The following HERC5 variants were observed in gnomAD, a reference collection of about 807,000 sequenced individuals.
HERC5 encodes HECT and RLD domain containing E3 ubiquitin protein ligase 5.
Under a neutral mutation model 119.6 loss-of-function variants are expected in HERC5, and 99 were observed. The ratio of observed to expected loss-of-function variants is 0.83; its 90% CI spans 0.70 to 0.98. The LOEUF (loss-of-function observed/expected upper bound fraction) is 0.98. HERC5 is among the 50% of genes least tolerant of loss of function. The probability of loss-of-function intolerance (pLI) is 0.00; values close to 1 mark genes in which losing one functional copy is unlikely to be tolerated. For missense variants in HERC5, 1,267 were observed against 1,241.3 expected, an observed-to-expected ratio of 1.02 and a Z score of -0.31; for synonymous variants, 478 against 445.9, an observed-to-expected ratio of 1.07 and a Z score of -0.91.
chr4:88,459,427 G>A lies in HERC5; in HGVS notation c.346G>A (p.Gly116Arg). The A allele has an allele frequency of 6.3e-7, 1 of 1,593,382 alleles. No homozygotes were observed. The change falls in exon 2 of 23, where the codon GGA becomes AGA. Residue 116 changes from glycine to arginine, a missense_variant. Coordinates refer to ENST00000264350, the MANE Select transcript of HERC5 (RefSeq NM_016323.4). The stretch of plus-strand genomic sequence containing the variant: ...GCACATGCTGATTCTCTCATCAGAT[G>A]GAAAACCATTTGAGTATGACAACTA... Reference protein sequence around the residue: ...AEHMLILSSDGKPFEYDNYSM... With the variant: ...AEHMLILSSDRKPFEYDNYSM...
chr4:88,475,172 A>G (rs974243376), intron 11 of HERC5, among the ~76,000 whole-genome samples: 5 of 123,232 alleles, frequency 4.1e-5, no homozygotes, highest in South Asian at 5.0e-4. Context: ...GTTCTGATGC[A>G]TTTTTACTCT....
At chr4:88,495,286 C>A (rs749695511) in intron 18 of HERC5, among the ~76,000 whole-genome samples, 4 of 152,054 alleles carry the variant, frequency 2.6e-5, no homozygotes, top group Admixed American at 2.6e-4. Context: ...GATGGCTTAT[C>A]CCTGTAATCC....
chr4:88,469,280 T>A lies in HERC5; in HGVS notation c.1238+20T>A. ...AAAAAGGTACACCCCACAGTCTGAC[T>A]CTCTGCTTATATATCACTCTCAAGT... On this transcript the variant is annotated intron_variant, in intron 9 of 22. Transcript: ENST00000264350. 3.4e-6 allele frequency: 5 copies of A among 1,485,576 alleles called. No individual in the cohort carries two copies. Among genetic ancestry groups the A allele is most frequent in the Non-Finnish European group, 4.7e-6 (5 of 1,063,224 alleles). The allele number at this position is 1,485,576 out of a possible 1,614,324, so 92.0% of individuals were successfully genotyped here.
At chr4:88,464,270 A>T (rs1380937994) in intron 6 of HERC5, among the ~76,000 whole-genome samples, 1 of 150,462 alleles carries the variant, frequency 6.6e-6, no homozygotes, top group Non-Finnish European at 1.5e-5. Flanking sequence ...CTTTTGTCTT[A>T]AAAAAACAAG....
At position 88,486,158 on chromosome 4, in the gene HERC5, T is replaced by C; in HGVS notation, c.1781T>C (p.Val594Ala). Residue 594 changes from valine to alanine, a missense_variant, in exon 14 of 23, where the codon GTA (valine) becomes GCA (alanine). Around this residue, in one of 3 missense-constraint regions of HERC5, gnomAD observed 777 missense variants for 758.0 expected, o/e 1.03. Transcript: ENST00000264350. Reference sequence around the variant, plus strand: ...CAACTACCTGAAAGTATTTTCCAAGTAGACGAACTCTTGCACCGTCTCAAT... The same window carrying C: ...CAACTACCTGAAAGTATTTTCCAAGCAGACGAACTCTTGCACCGTCTCAAT... ...KCQLPESIFQVDELLHRLNFF... is the reference protein window; with the variant it reads ...KCQLPESIFQADELLHRLNFF... 1 of 1,612,520 alleles carries C rather than the reference T, an allele frequency of 6.2e-7. No homozygotes were observed. The highest frequency in any genetic ancestry group is 8.5e-7 in the Non-Finnish European group (1 of 1,179,096).
At chr4:88,457,795 C>T in intron 1 of HERC5, 1 of 705,190 alleles carries the variant, frequency 1.4e-6, no homozygotes, top group East Asian at 3.5e-5. Context: ...CATGCGGGCA[C>T]CGTCTTCATC....
intron 10 of HERC5, 66 bp downstream of exon 10, chr4:88,470,739 A>T: frequency 1.4e-6 from 1 of 722,604 alleles, no homozygotes; most frequent in Non-Finnish European, 2.2e-6. Flanking sequence ...GGATAAAAAA[A>T]TGATTGGAGA....
chr4:88,474,803 C>G (rs1051063193), intron 11 of HERC5, among the ~76,000 whole-genome samples: 2 of 152,110 alleles, frequency 1.3e-5, no homozygotes, highest in Admixed American at 1.3e-4. Context: ...TAGGGAGAAA[C>G]TATAATAAGG....
intron 20 of HERC5, 36 bp downstream of exon 20, chr4:88,501,021 G>A (rs753955360): frequency 2.1e-6 from 3 of 1,414,856 alleles, no homozygotes; most frequent in South Asian, 1.2e-5. Context: ...GTTTGTATAT[G>A]TACTATTTTT....
intron 1 of HERC5, chr4:88,457,884 T>C: frequency 9.4e-7 from 1 of 1,059,412 alleles, no homozygotes; most frequent in Non-Finnish European, 1.1e-6. Context: ...TCTCCCACTG[T>C]CTCGTTTTGA....
rs1008360752 is a variant in HERC5, at chr4:88,475,958, A to T, written c.1510A>T (p.Asn504Tyr). The change falls in exon 12 of 23, where the codon AAC (asparagine) becomes TAC (tyrosine). Residue 504 changes from asparagine (N) to tyrosine (Y), a missense_variant. Transcript: ENST00000264350. ...PECPMMHISN[N>Y]WESLVVPFAK... ...ATGTCCTATGATGCATATTTCCAAC[A>T]ACTGGGAGAGCCTTGTGGTTCCATT... 1 of 1,613,926 alleles carries T rather than the reference A, an allele frequency of 6.2e-7. No homozygotes were observed. The highest frequency in any genetic ancestry group is 1.3e-5 in the African/African-American group (1 of 74,924).
In HERC5 at chr4:88,460,147, T is replaced by C. The variant is rs1173256502; in HGVS notation, c.442T>C (p.Tyr148His). ...KKIIQITCGDYHSLALSKGGE... is the reference protein window; with the variant it reads ...KKIIQITCGDHHSLALSKGGE... ...AATAATTCAGATCACATGTGGAGATTACCATTCTCTTGCACTCTCAAAAGG... is the reference window on the plus strand; with the variant it reads ...AATAATTCAGATCACATGTGGAGATCACCATTCTCTTGCACTCTCAAAAGG... The change falls in exon 3 of 23, where the codon TAC becomes CAC. Residue 148 changes from tyrosine (Y) to histidine (H), a missense_variant. Around this residue, in one of 3 missense-constraint regions of HERC5, gnomAD observed 777 missense variants for 758.0 expected, o/e 1.03. Coordinates refer to ENST00000264350, the MANE Select transcript of HERC5 (RefSeq NM_016323.4). The C allele has an allele frequency of 3.2e-6, 5 of 1,585,348 alleles. No homozygotes were observed. The South Asian group carries it at 5.6e-5, about 18-fold the overall frequency.
chr4:88,495,802 CATTATT>C (rs1341322974), intron 18 of HERC5, among the ~76,000 whole-genome samples: 2 of 152,046 alleles, frequency 1.3e-5, no homozygotes, highest in African/African-American at 2.4e-5. Context: ...ATAAATTTGT[CATTATT>C]ATTTTACTGG....
intron 12 of HERC5, among the ~76,000 whole-genome samples, chr4:88,477,164 A>AATAG (rs1042849689): frequency 6.6e-5 from 9 of 136,728 alleles, no homozygotes; most frequent in African/African-American, 2.0e-4. Flanking sequence ...ATAATCAGTC[A>AATAG]ATAGATAGAT....
Position 88,505,730 on chromosome 4 carries a change from C to A in HERC5, c.2927C>A (p.Thr976Lys). Residue 976 changes from threonine (T) to lysine (K), a missense_variant, in exon 23 of 23, where the codon ACA becomes AAA. Thr to Lys is a moderately conservative substitution (Grantham distance 78). Transcript: ENST00000264350. ...AAAGATTTAAATAATATGAAAATAA[C>A]ATTTTGCTGTCCTGAAAGTTGGAAT... The part of the protein sequence containing the change: ...QMKDLNNMKI[T>K]FCCPESWNER... 1 of 1,597,930 alleles carries A rather than the reference C, an allele frequency of 6.3e-7. No homozygotes were observed. The highest frequency in any genetic ancestry group is 8.6e-7 in the Non-Finnish European group (1 of 1,165,790).
chr4:88,488,616 C>T (rs1741541408), intron 15 of HERC5, among the ~76,000 whole-genome samples: 1 of 152,190 alleles, frequency 6.6e-6, no homozygotes, highest in East Asian at 1.9e-4. Flanking sequence ...CTCCCACTCT[C>T]TCTCCCTGCT....
intron 13 of HERC5, among the ~76,000 whole-genome samples, chr4:88,485,016 G>A (rs1345245595): frequency 4.0e-5 from 6 of 151,630 alleles, no homozygotes. Context: ...AAAAACAATG[G>A]CTATTTTCAA....
At position 88,463,885 on chromosome 4, in the gene HERC5, A is replaced by G; in HGVS notation, c.811A>G (p.Lys271Glu). The stretch of plus-strand genomic sequence containing the variant: ...GCTGCTGTTTACTTTCGGTGCTGGA[A>G]AACATGGGCAACTTGGTCATAATTC... ...DGLLFTFGAG[K>E]HGQLGHNSTQ... The change falls in exon 6 of 23, where the codon AAA becomes GAA. Residue 271 changes from lysine to glutamate, a missense_variant. Physicochemically the swap from Lys to Glu is moderately conservative, Grantham distance 56. Around this residue, in one of 3 missense-constraint regions of HERC5, gnomAD observed 777 missense variants for 758.0 expected, o/e 1.03. Transcript: ENST00000264350. 1 of 1,614,048 alleles carries G rather than the reference A, an allele frequency of 6.2e-7. No individual in the cohort carries two copies. The highest frequency in any genetic ancestry group is 8.5e-7 in the Non-Finnish European group (1 of 1,180,018).
rs569169665 is a variant in HERC5 at position 88,464,524 on chromosome 4, T to C, written c.911+539T>C. Among the ~76,000 whole-genome samples the C allele has an allele frequency of 3.9e-5, 6 of 152,138 alleles. No homozygotes were observed. In the East Asian group the frequency reaches 1.2e-3, roughly 29 times the overall value. ...AGAAAAGAAAGGTAAAATGTCTTGC[T>C]CAGACTCCTTAGTTTATTTAAAGGT... On this transcript the variant is annotated intron_variant, in intron 6 of 22. Transcript: ENST00000264350.
Sources: gnomAD v4.1 joint callset for allele counts (sites outside exome capture counted in the v4.1 genomes callset) on GRCh38, gnomAD v4.1.1 for gene constraint, gnomAD v4.1.1 regional missense constraint, MANE v1.5 for transcripts, NCBI Gene and HGNC (gene_info 2026-07-23, HGNC 2026-07-21) for gene names.